Variants in PTGER4 observed in about 807,000 individuals in gnomAD.
The protein encoded by PTGER4 is prostaglandin E receptor 4, also known as prostaglandin E2 receptor EP4 subtype.
In PTGER4, 11 loss-of-function variants were observed where a neutral mutation model predicts 33.2. That is an observed-to-expected ratio of 0.33 (90% CI 0.21 to 0.55). The LOEUF (loss-of-function observed/expected upper bound fraction) is 0.55. PTGER4 is among the 20% of genes least tolerant of loss of function. The pLI is 0.92. For missense variants in PTGER4, 481 were observed against 650.2 expected (o/e 0.74, Z 2.83); for synonymous variants, 275 against 281.5 (o/e 0.98, Z 0.23).
At chr5:40,743,058 C>T in the PTGER4 span, among the ~76,000 whole-genome samples, 3 of 152,078 alleles carry the variant, frequency 2.0e-5, no homozygotes, top group South Asian at 2.1e-4. Context: ...AAAAGAAAAA[C>T]AACATATAAA....
At chr5:40,722,179 TGG>T in the PTGER4 span, among the ~76,000 whole-genome samples, 9 of 150,292 alleles carry the variant, frequency 6.0e-5, no homozygotes, top group Admixed American at 4.6e-4. Flanking sequence ...CACTCCAGCC[TGG>T]GTGACAGAGG....
the PTGER4 span, among the ~76,000 whole-genome samples, chr5:40,718,699 C>T: frequency 6.6e-6 from 1 of 152,042 alleles, no homozygotes; most frequent in East Asian, 1.9e-4. Context: ...GATTGCACCA[C>T]CGCACTTCAG....
At chr5:40,709,946 A>C in the PTGER4 span, among the ~76,000 whole-genome samples, 1 of 152,236 alleles carries the variant, frequency 6.6e-6, no homozygotes, top group Admixed American at 6.5e-5. Context: ...TAAAGACTTA[A>C]ATGTTAGACC....
chr5:40,684,083 T>A, intron 2 of PTGER4, among the ~76,000 whole-genome samples: 1 of 149,562 alleles, frequency 6.7e-6, no homozygotes, highest in African/African-American at 2.5e-5. Flanking sequence ...AGTTTAATTA[T>A]AAATTAGTGA....
the PTGER4 span, among the ~76,000 whole-genome samples, chr5:40,741,105 C>T: frequency 6.6e-6 from 1 of 152,182 alleles, no homozygotes; most frequent in Admixed American, 6.5e-5. Flanking sequence ...CAGTTTCCAA[C>T]TCTTTGGCAT....
chr5:40,697,250 G>GAAAGAAAGAA (rs1741628849), downstream of PTGER4, among the ~76,000 whole-genome samples: 1 of 81,794 alleles, frequency 1.2e-5, no homozygotes, highest in African/African-American at 3.5e-5. Flanking sequence ...AAGAAAGAAA[G>GAAAGAAAGAA]AAAGAAAGAA....
chr5:40,735,906 G>A, the PTGER4 span, among the ~76,000 whole-genome samples: 1 of 152,190 alleles, frequency 6.6e-6, no homozygotes, highest in South Asian at 2.1e-4. Context: ...ACAGAAATAT[G>A]ACTGGATGGT....
chr5:40,746,783 A>T, the PTGER4 span: 424,623 of 1,580,894 alleles, frequency 0.27, 58,773 homozygotes, highest in East Asian at 0.56. Context: ...TAAAAAAAAA[A>T]CTTTAAATAC....
intron 2 of PTGER4, among the ~76,000 whole-genome samples, chr5:40,684,549 T>C (rs1561128372): frequency 6.6e-6 from 1 of 152,126 alleles, no homozygotes; most frequent in Non-Finnish European, 1.5e-5. Flanking sequence ...GGGGTTGGTA[T>C]TGAGTTTAGT....
chr5:40,688,768 T>C (rs1741392934), intron 2 of PTGER4, among the ~76,000 whole-genome samples: 1 of 152,226 alleles, frequency 6.6e-6, no homozygotes, highest in Non-Finnish European at 1.5e-5. Context: ...AAAGATTTTT[T>C]TTTAAATCAA....
At chr5:40,700,131 G>A in the PTGER4 span, among the ~76,000 whole-genome samples, 1 of 152,190 alleles carries the variant, frequency 6.6e-6, no homozygotes, top group Non-Finnish European at 1.5e-5. Flanking sequence ...CAAATCAATT[G>A]TATTTCTATG....
downstream of PTGER4, among the ~76,000 whole-genome samples, chr5:40,694,230 T>A (rs1356872576): frequency 6.6e-6 from 1 of 152,072 alleles, no homozygotes; most frequent in Non-Finnish European, 1.5e-5. Flanking sequence ...TTTGTGTTTT[T>A]AGGAGAGACA....
At chr5:40,720,428 T>C in the PTGER4 span, among the ~76,000 whole-genome samples, 1 of 152,244 alleles carries the variant, frequency 6.6e-6, no homozygotes, top group Non-Finnish European at 1.5e-5. Flanking sequence ...ATCTAAGTAC[T>C]ATACTGTCTT....
At position 40,692,039 on chromosome 5, in the gene PTGER4, C is replaced by T. The variant is rs778160444; in HGVS notation, c.1128C>T (p.His376=). ...GGACATCTTCTGCCATGTCAGGCCACTCTCGCTCCTTCATCTCCCGGGAGC... is the reference window on the plus strand; with the variant it reads ...GGACATCTTCTGCCATGTCAGGCCATTCTCGCTCCTTCATCTCCCGGGAGC... ...SQRTSSAMSG[H]SRSFISRELK... is the part of the protein sequence containing the mutation. The change falls in exon 3 of 3, where the codon CAC becomes CAT. Residue 376 remains histidine, a synonymous_variant. Coordinates refer to ENST00000302472, the MANE Select transcript of PTGER4 (RefSeq NM_000958.3). The T allele has an allele frequency of 6.2e-7, 1 of 1,614,112 alleles. No homozygotes were observed.
At chr5:40,738,714 C>A in the PTGER4 span, among the ~76,000 whole-genome samples, 1 of 152,048 alleles carries the variant, frequency 6.6e-6, no homozygotes, top group Non-Finnish European at 1.5e-5. Flanking sequence ...ACACTTGATA[C>A]TGTCAATCTT....
Position 40,691,925 on chromosome 5 carries a change from T to C in PTGER4, c.1014T>C (p.Ser338=). Residue 338 remains serine, a synonymous_variant, in exon 3 of 3, where the codon AGT becomes AGC. Transcript: ENST00000302472. The surrounding 1 kb of genome is among the most constrained non-coding windows in gnomAD (Gnocchi z 4.2). ...IYILLRKTVL[S]KAIEKIKCLF... ...TCCTCCTGAGAAAGACAGTGCTCAGTAAAGCAATAGAGAAGATCAAATGCC... is the reference window on the plus strand; with the variant it reads ...TCCTCCTGAGAAAGACAGTGCTCAGCAAAGCAATAGAGAAGATCAAATGCC... The C allele has an allele frequency of 1.9e-6, 3 of 1,614,228 alleles. No homozygotes were observed. The South Asian group carries it at 3.3e-5, about 18-fold the overall frequency.
At chr5:40,703,080 G>A in the PTGER4 span, among the ~76,000 whole-genome samples, 2 of 152,054 alleles carry the variant, frequency 1.3e-5, no homozygotes, top group Non-Finnish European at 2.9e-5. Flanking sequence ...TCAAATTAAC[G>A]ACCTAACTTC....
the PTGER4 span, among the ~76,000 whole-genome samples, chr5:40,719,240 C>G: frequency 6.6e-6 from 1 of 152,340 alleles, no homozygotes; most frequent in Middle Eastern, 3.4e-3. Context: ...AACCCCAGCT[C>G]TAGGCAAGCA....
At chr5:40,701,238 G>A in the PTGER4 span, among the ~76,000 whole-genome samples, 1 of 152,158 alleles carries the variant, frequency 6.6e-6, no homozygotes, top group Admixed American at 6.5e-5. Context: ...AGATCATCAA[G>A]ATTCAGTAAG....
Sources: allele counts gnomAD v4.1 joint callset (sites outside exome capture counted in the v4.1 genomes callset), GRCh38; gene constraint gnomAD v4.1.1; non-coding constraint Gnocchi (gnomAD v3.1); transcripts MANE v1.5; gene names NCBI Gene and HGNC (gene_info 2026-07-23, HGNC 2026-07-21).